TMEM74: variants seen among roughly 807,000 people sequenced by gnomAD.
TMEM74 encodes transmembrane protein 74.
Under a neutral mutation model 18.1 loss-of-function variants are expected in TMEM74, and 13 were observed. That is an observed-to-expected ratio of 0.72 (90% CI 0.47 to 1.14). TMEM74 has a LOEUF of 1.14. Among genes scored for constraint, TMEM74 ranks in the 50% most tolerant of loss-of-function variants. The pLI, the probability that TMEM74 is intolerant of heterozygous loss-of-function variation, is 0.00. For missense variants in TMEM74, 372 were observed against 375.9 expected, an observed-to-expected ratio of 0.99 and a Z score of 0.09; for synonymous variants, 159 against 146.6, an observed-to-expected ratio of 1.08 and a Z score of -0.61.
intron 2 of TMEM74, among the ~76,000 whole-genome samples, chr8:108,648,641 C>T (rs1356697468): frequency 6.6e-6 from 1 of 151,962 alleles, no homozygotes; most frequent in Non-Finnish European, 1.5e-5. Flanking sequence ...GGGTAGCTGT[C>T]ATAGAGAGAT....
At chr8:108,702,077 GCT>G (rs1813341072) in intron 1 of TMEM74, among the ~76,000 whole-genome samples, 1 of 152,084 alleles carries the variant, frequency 6.6e-6, no homozygotes, top group South Asian at 2.1e-4. Flanking sequence ...AGGCATGGTG[GCT>G]CATGCTGGCA....
intron 2 of TMEM74, among the ~76,000 whole-genome samples, chr8:108,629,671 GC>G (rs750428763): frequency 9.9e-5 from 15 of 151,972 alleles, no homozygotes; most frequent in South Asian, 4.2e-4. Flanking sequence ...GAGAGTGGGG[GC>G]CAACATTCAA....
intron 2 of TMEM74, among the ~76,000 whole-genome samples, chr8:108,643,424 C>T (rs1303739837): frequency 3.3e-5 from 5 of 152,064 alleles, no homozygotes; most frequent in Non-Finnish European, 7.4e-5. Flanking sequence ...CAGGGTAATT[C>T]GTTGAAATAC....
intron 1 of TMEM74, among the ~76,000 whole-genome samples, chr8:108,725,678 T>C (rs1411599501): frequency 6.6e-6 from 1 of 152,068 alleles, no homozygotes; most frequent in South Asian, 2.1e-4. Context: ...CTCAAGGAGA[T>C]TAGCTGAAAA....
chr8:108,766,496 C>A (rs2130667179), intron 1 of TMEM74, among the ~76,000 whole-genome samples: 1 of 152,220 alleles, frequency 6.6e-6, no homozygotes, highest in Non-Finnish European at 1.5e-5. Flanking sequence ...TTTGTAGAGG[C>A]CCTCATTCAT....
At chr8:108,739,743 C>A (rs927462569) in intron 1 of TMEM74, among the ~76,000 whole-genome samples, 1 of 152,024 alleles carries the variant, frequency 6.6e-6, no homozygotes, top group Non-Finnish European at 1.5e-5. Context: ...ATATCTGGTG[C>A]TTTAGCTAGG....
intron 1 of TMEM74, among the ~76,000 whole-genome samples, chr8:108,672,072 T>C (rs1057115881): frequency 2.0e-5 from 3 of 152,124 alleles, no homozygotes; most frequent in African/African-American, 7.2e-5. Context: ...CCTGACACTG[T>C]GGGTGGAAAA....
At chr8:108,695,395 T>C (rs1407717715) in intron 1 of TMEM74, among the ~76,000 whole-genome samples, 2 of 152,196 alleles carry the variant, frequency 1.3e-5, no homozygotes, top group Non-Finnish European at 2.9e-5. Flanking sequence ...ACCTTGCCTA[T>C]AGAGTGTGTG....
intron 1 of TMEM74, among the ~76,000 whole-genome samples, chr8:108,749,730 T>C (rs921908465): frequency 6.6e-6 from 1 of 152,042 alleles, no homozygotes; most frequent in Non-Finnish European, 1.5e-5. Flanking sequence ...CTTGTGCTGG[T>C]TTTCAAGAGG....
chr8:108,620,559 G>A (rs943668409), intron 2 of TMEM74, among the ~76,000 whole-genome samples: 2 of 152,078 alleles, frequency 1.3e-5, no homozygotes, highest in African/African-American at 4.8e-5. Context: ...GCCCCAAGAA[G>A]TTGATTTGCT....
intron 1 of TMEM74, among the ~76,000 whole-genome samples, chr8:108,733,325 T>G (rs1407425427): frequency 3.3e-5 from 5 of 152,112 alleles, no homozygotes; most frequent in Admixed American, 2.6e-4. Context: ...TTAAAATAAA[T>G]GGACTACTGA....
intron 2 of TMEM74, among the ~76,000 whole-genome samples, chr8:108,647,143 T>G (rs1812728011): frequency 6.6e-6 from 1 of 152,164 alleles, no homozygotes; most frequent in Admixed American, 6.6e-5. Flanking sequence ...CATGTAATTT[T>G]GGAAATCTTT....
chr8:108,701,748 A>G (rs1813336934), intron 1 of TMEM74, among the ~76,000 whole-genome samples: 1 of 152,198 alleles, frequency 6.6e-6, no homozygotes, highest in African/African-American at 2.4e-5. Flanking sequence ...TCAAAAAAGA[A>G]CTAAATAAAC....
intron 1 of TMEM74, among the ~76,000 whole-genome samples, chr8:108,706,621 T>G (rs1466827339): frequency 6.6e-6 from 1 of 152,224 alleles, no homozygotes; most frequent in Non-Finnish European, 1.5e-5. Context: ...TCTATATAAT[T>G]ATCCTTCTAT....
Position 108,697,773 on chromosome 8 carries a change from G to C in TMEM74, n.120-42336C>G, listed in dbSNP as rs117690317. ...GAAGTAATCTTTCATAATGTTTGGG[G>C]ATTTGTTTGTTTGTTTTTTTCTTTG... On this transcript the variant is annotated intron_variant and non_coding_transcript_variant, in intron 1 of 3. Transcript: ENST00000518838. Among the ~76,000 whole-genome samples the C allele has an allele frequency of 1.2e-3, 190 of 152,156 alleles. 6 individuals are homozygous for C. In the East Asian group the frequency reaches 0.033, roughly 26 times the overall value.
intron 1 of TMEM74, among the ~76,000 whole-genome samples, chr8:108,693,974 C>G (rs771589560): frequency 1.3e-5 from 2 of 152,156 alleles, no homozygotes; most frequent in Non-Finnish European, 2.9e-5. Context: ...TATATTCTTT[C>G]AAAAGGAAAC....
intron 2 of TMEM74, among the ~76,000 whole-genome samples, chr8:108,622,908 T>C (rs1271700629): frequency 1.3e-5 from 2 of 152,126 alleles, no homozygotes; most frequent in African/African-American, 4.8e-5. Flanking sequence ...ACACCAGGCA[T>C]ATTTTATGTG....
chr8:108,699,662 T>A (rs1367209237), intron 1 of TMEM74, among the ~76,000 whole-genome samples: 1 of 152,186 alleles, frequency 6.6e-6, no homozygotes, highest in Non-Finnish European at 1.5e-5. Flanking sequence ...CTGGGTGACT[T>A]AATCAACACT....
intron 1 of TMEM74, among the ~76,000 whole-genome samples, chr8:108,731,873 C>T (rs1324911288): frequency 1.3e-5 from 2 of 152,056 alleles, no homozygotes; most frequent in East Asian, 1.9e-4. Context: ...TATAGCTCTT[C>T]CTGAGAATCT....
Sources: gnomAD v4.1 joint callset for allele counts (sites outside exome capture counted in the v4.1 genomes callset) on GRCh38, gnomAD v4.1.1 for gene constraint, MANE v1.5 for transcripts, NCBI Gene and HGNC (gene_info 2026-07-23, HGNC 2026-07-21) for gene names.